Variants in FAM234A observed in about 807,000 individuals in gnomAD.
The protein encoded by FAM234A is protein FAM234A.
A neutral mutation model predicts 49.1 loss-of-function variants in FAM234A; 42 were observed. The observed-to-expected ratio is 0.86, with a 90% CI of 0.67 to 1.11. FAM234A has a LOEUF of 1.11. FAM234A is among the 50% of genes least tolerant of loss of function. The probability of loss-of-function intolerance (pLI) is 0.00; values close to 1 mark genes in which losing one functional copy is unlikely to be tolerated. For synonymous variants in FAM234A, 369 were observed against 316.2 expected, an observed-to-expected ratio of 1.17 and a Z score of -1.77; for missense variants, 815 against 745.2, an observed-to-expected ratio of 1.09 and a Z score of -1.09.
chr16:239,506 T>G (rs1325852566), intron 1 of FAM234A, among the ~76,000 whole-genome samples: 1 of 149,048 alleles, frequency 6.7e-6, no homozygotes, highest in Non-Finnish European at 1.5e-5. Context: ...TCCCAGCTAC[T>G]CGGGAGGCTG....
chr16:259,880 A>G, intron 4 of FAM234A, 89 bp from the exon 5 acceptor site: 2 of 1,237,328 alleles, frequency 1.6e-6, no homozygotes, highest in Non-Finnish European at 2.3e-6. Flanking sequence ...AGGTGTGAGG[A>G]AAACAGACCT....
chr16:253,968 C>T (rs2051122982), intron 2 of FAM234A: 1 of 188,890 alleles, frequency 5.3e-6, no homozygotes, highest in African/African-American at 2.4e-5. Context: ...CCAGGGAGTC[C>T]ATGTGTGCGC....
At chr16:237,713 C>CT (rs398058030) in intron 1 of FAM234A, among the ~76,000 whole-genome samples, 27,716 of 137,290 alleles carry the variant, frequency 0.2, 2,847 homozygotes, top group South Asian at 0.27. Context: ...TAATGAAATT[C>CT]TTTTTTTTTT....
chr16:260,189 C>A, intron 5 of FAM234A, 29 bp downstream of exon 5: 1 of 1,603,350 alleles, frequency 6.2e-7, no homozygotes, highest in Non-Finnish European at 8.5e-7. Context: ...GGGGTTCTCA[C>A]TGAGGGCCTC....
Position 246,222 on chromosome 16 carries a change from T to A in FAM234A, c.-139-3327T>A, listed in dbSNP as rs138486025. Among the ~76,000 whole-genome samples the A allele has an allele frequency of 5.2e-3, 773 of 149,436 alleles. 3 individuals are homozygous for A. The highest frequency in any genetic ancestry group is 7.6e-3 in the South Asian group (36 of 4,712). ...AGAGCAAGATTCTGTCTCAAAAAAA[T>A]AATAATAATAATAATAATGTTTACA... On this transcript the variant is annotated intron_variant, in intron 1 of 12. Coordinates refer to ENST00000399932, the MANE Select transcript of FAM234A (RefSeq NM_032039.4).
chr16:241,850 G>A (rs373956542), intron 1 of FAM234A, among the ~76,000 whole-genome samples: 6 of 147,884 alleles, frequency 4.1e-5, no homozygotes, highest in Admixed American at 6.9e-5. Flanking sequence ...AGGTTGCAGT[G>A]AGCCAAGATT....
At chr16:266,170 T>C (rs536017462), downstream of FAM234A, 2 of 900,076 alleles carry the variant, frequency 2.2e-6, no homozygotes, top group South Asian at 1.0e-4. Flanking sequence ...TCAAATGGAT[T>C]TGTTCCTGGA....
At position 265,206 on chromosome 16, in the gene FAM234A, G is replaced by A; in HGVS notation, c.*184G>A. On this transcript the variant is annotated 3_prime_UTR_variant, in exon 13 of 13. Coordinates refer to ENST00000399932, the MANE Select transcript of FAM234A (RefSeq NM_032039.4). ...CACCCAGGGACCTGCATGGGTGAGG[G>A]GACACCCTGGGCCTCTCTCCCGCCC... is the stretch of plus-strand genomic sequence containing the variant. 1 of 1,410,556 alleles carries A rather than the reference G, an allele frequency of 7.1e-7. No individual in the cohort carries two copies. Among genetic ancestry groups the A allele is most frequent in the South Asian group, 1.6e-5 (1 of 61,330 alleles). The allele number at this position is 1,410,556 out of a possible 1,614,324, so 87.4% of individuals were successfully genotyped here.
chr16:269,243 C>G, downstream of FAM234A: 1 of 1,464,476 alleles, frequency 6.8e-7, no homozygotes, highest in African/African-American at 1.4e-5. Flanking sequence ...GCTGCAGGGA[C>G]TAGAGTGGCA....
chr16:263,569 G>A (rs528225191), intron 9 of FAM234A, 131 bp from the exon 10 acceptor site: 48 of 1,269,318 alleles, frequency 3.8e-5, no homozygotes, highest in Non-Finnish European at 4.8e-5. Flanking sequence ...CCCAGACGTC[G>A]GCTCCGTGTC....
rs1043102 is a variant in FAM234A, at chr16:264,997, G to A, written c.1634G>A (p.Arg545Gln). ...SDQAIRDRFS[R>Q]LRYQSEA Reference sequence around the variant, plus strand: ...CAAGCCATCAGGGACCGGTTCTCCCGGCTGCGGTACCAGAGTGAGGCGTAG... The same window carrying A: ...CAAGCCATCAGGGACCGGTTCTCCCAGCTGCGGTACCAGAGTGAGGCGTAG... The change falls in exon 13 of 13, where the codon CGG becomes CAG. Residue 545 changes from arginine (R) to glutamine (Q), a missense_variant. Arg to Gln is a conservative substitution (Grantham distance 43). Transcript: ENST00000399932. The A allele has an allele frequency of 1.2e-4, 188 of 1,610,408 alleles. No individual in the cohort carries two copies. The highest frequency in any genetic ancestry group is 8.5e-4 in the Admixed American group (51 of 59,890).
At position 264,130 on chromosome 16, in the gene FAM234A, T is replaced by C. The variant is rs2051597397; in HGVS notation, c.1303T>C (p.Phe435Leu). Residue 435 changes from phenylalanine to leucine, a missense_variant, in exon 11 of 13, where the codon TTC becomes CTC. Phe to Leu is a conservative substitution (Grantham distance 22). Transcript: ENST00000399932. ...GACCGCAGACCACCGCTCAGCCTTC[T>C]TCTTCTGGGGCCTCCACGAGCTGGG... ...LPTADHRSAF[F>L]FWGLHELGST... The C allele has an allele frequency of 2.5e-6, 4 of 1,609,542 alleles. No homozygotes were observed. The African/African-American group carries it at 4.0e-5, about 16-fold the overall frequency.
At chr16:237,299 G>A (rs551205923) in intron 1 of FAM234A, among the ~76,000 whole-genome samples, 1 of 152,202 alleles carries the variant, frequency 6.6e-6, no homozygotes, top group East Asian at 1.9e-4. Context: ...GGATTAAAGT[G>A]ACGAATATTT....
intron 2 of FAM234A, among the ~76,000 whole-genome samples, chr16:251,679 GT>G (rs1172222528): frequency 2.8e-3 from 253 of 91,132 alleles, no homozygotes; most frequent in Middle Eastern, 8.2e-3. Context: ...GCCTAGCCAG[GT>G]TTTTTTTTTT....
Position 254,521 on chromosome 16 carries a change from A to T in FAM234A, c.108A>T (p.Lys36Asn), listed in dbSNP as rs2051148982. 6.2e-7 allele frequency: 1 copy of T among 1,614,210 alleles called. No homozygotes were observed. Among genetic ancestry groups the T allele is most frequent in the Admixed American group, 1.7e-5 (1 of 60,030 alleles). Residue 36 changes from lysine (K) to asparagine (N), a missense_variant, in exon 3 of 13, where the codon AAA (lysine) becomes AAT (asparagine). By Grantham distance (94) the Lys-to-Asn change is moderately conservative. Transcript: ENST00000399932. ...GNPSKNEDNV[K>N]SAPPQSRLSR... ...CATCAAAAAATGAGGATAACGTGAA[A>T]AGCGCGCCTCCACAGTCCCGGCTCT...
chr16:260,249 G>C, intron 5 of FAM234A, 89 bp downstream of exon 5: 1 of 1,216,364 alleles, frequency 8.2e-7, no homozygotes, highest in South Asian at 1.3e-5. Context: ...GCCGCGACGA[G>C]GCTCAGCCCT....
chr16:256,135 T>C (rs893633994), intron 3 of FAM234A, among the ~76,000 whole-genome samples: 3 of 152,222 alleles, frequency 2.0e-5, no homozygotes, highest in African/African-American at 7.2e-5. Flanking sequence ...TGGCTCTCAG[T>C]TGAGACTCTT....
chr16:261,658 A>C, intron 6 of FAM234A, 144 bp downstream of exon 6: 1 of 971,342 alleles, frequency 1.0e-6, no homozygotes, highest in Non-Finnish European at 1.5e-6. Context: ...CACGTTCCCA[A>C]CTCCCATAGA....
rs1368906456 is a variant in FAM234A, at chr16:252,178, G to GT, written c.-33-2197dup. 1.7e-3 allele frequency among the ~76,000 whole-genome samples: 210 copies of GT among 126,096 alleles called. 1 individual carries two copies. The highest frequency in any genetic ancestry group is 2.9e-3 in the Non-Finnish European group (179 of 61,986). 82.7% of individuals were successfully genotyped at this position (126,096 alleles called of 152,430 possible). Reference sequence around the variant, plus strand: ...GTGCTGGCCATGTCTCTGTTTTTCTGTTTTTTGTTTTTTTTTTTTTTTTGA... The same window carrying GT: ...GTGCTGGCCATGTCTCTGTTTTTCTGTTTTTTTGTTTTTTTTTTTTTTTTGA... On this transcript the variant is annotated intron_variant, in intron 2 of 12. Transcript: ENST00000399932.
Sources: allele counts gnomAD v4.1 joint callset (sites outside exome capture counted in the v4.1 genomes callset), GRCh38; gene constraint gnomAD v4.1.1; transcripts MANE v1.5; gene names NCBI Gene and HGNC (gene_info 2026-07-23, HGNC 2026-07-21).